Variants in BPHL observed in about 807,000 individuals in gnomAD.
BPHL encodes biphenyl hydrolase like.
A neutral mutation model predicts 31.2 loss-of-function variants in BPHL; 27 were observed. The ratio of observed to expected loss-of-function variants is 0.87; its 90% CI spans 0.64 to 1.19. The LOEUF is 1.19. Among genes scored for constraint, BPHL ranks in the 50% most tolerant of loss-of-function variants. The probability of loss-of-function intolerance (pLI) is 0.00; values close to 1 mark genes in which losing one functional copy is unlikely to be tolerated. For synonymous variants in BPHL, 150 were observed against 146.8 expected, an observed-to-expected ratio of 1.02 and a Z score of -0.16; for missense variants, 356 against 375.7, an observed-to-expected ratio of 0.95 and a Z score of 0.43.
At chr6:3,134,899 G>T (rs1055927485) in intron 4 of BPHL, among the ~76,000 whole-genome samples, 10 of 152,002 alleles carry the variant, frequency 6.6e-5, no homozygotes, top group African/African-American at 2.4e-4. Context: ...ACCGCGCCTG[G>T]CCAATTTTTG....
At chr6:3,122,285 A>C (rs1396920521) in intron 1 of BPHL, among the ~76,000 whole-genome samples, 2 of 152,198 alleles carry the variant, frequency 1.3e-5, no homozygotes, top group Non-Finnish European at 2.9e-5. Context: ...ATCTCAAAAA[A>C]TAAATAAATA....
chr6:3,146,291 C>CG (rs201985564), intron 6 of BPHL, among the ~76,000 whole-genome samples: 980 of 25,254 alleles, frequency 0.039, 119 homozygotes, highest in African/African-American at 0.071. Flanking sequence ...TGGTTCGGGT[C>CG]GAGTGCTGGT....
At chr6:3,120,827 G>A (rs1761548483) in intron 1 of BPHL, among the ~76,000 whole-genome samples, 1 of 152,222 alleles carries the variant, frequency 6.6e-6, no homozygotes, top group Non-Finnish European at 1.5e-5. Context: ...GGGATGCCCT[G>A]CCAGAGAATC....
At chr6:3,128,748 A>T (rs1358764959) in intron 3 of BPHL, among the ~76,000 whole-genome samples, 1 of 152,244 alleles carries the variant, frequency 6.6e-6, no homozygotes, top group Non-Finnish European at 1.5e-5. Flanking sequence ...TGTATTTGTC[A>T]TATTTAAGTA....
At chr6:3,152,361 C>T (rs1011830646) in intron 6 of BPHL, 127 bp from the exon 7 acceptor site, 16 of 740,258 alleles carry the variant, frequency 2.2e-5, no homozygotes, top group Admixed American at 1.6e-4. Flanking sequence ...TTTTTCTCCT[C>T]GATAGTGGTC....
rs143309822 is a variant in BPHL, at chr6:3,126,130, C to T, written c.212-1112C>T. 3.7e-4 allele frequency among the ~76,000 whole-genome samples: 57 copies of T among 152,202 alleles called. No individual in the cohort carries two copies. The East Asian group carries it at 0.01, about 28-fold the overall frequency. On this transcript the variant is annotated intron_variant, in intron 2 of 6. Coordinates refer to ENST00000380379, the MANE Select transcript of BPHL (RefSeq NM_004332.4). ...GCTGTTTCATACTGTTCTGATGAAA[C>T]TGATTTGGTTTCTTTCCTCCATACC... is the stretch of plus-strand genomic sequence containing the variant.
chr6:3,137,932 C>G, intron 5 of BPHL: 1 of 1,197,090 alleles, frequency 8.4e-7, no homozygotes, highest in Non-Finnish European at 1.1e-6. Flanking sequence ...TTAATCTCAA[C>G]GGAATTAATA....
chr6:3,124,977 C>T (rs920541147), intron 2 of BPHL, among the ~76,000 whole-genome samples: 1 of 152,124 alleles, frequency 6.6e-6, no homozygotes, highest in Non-Finnish European at 1.5e-5. Flanking sequence ...TCTGTAAAAA[C>T]ATTGCCTATC....
chr6:3,142,395 G>A (rs1226686109), intron 6 of BPHL, among the ~76,000 whole-genome samples: 1 of 152,132 alleles, frequency 6.6e-6, no homozygotes, highest in South Asian at 2.1e-4. Context: ...GGGATTACAG[G>A]CATGAACCAC....
chr6:3,120,709 C>A lies in BPHL; in HGVS notation c.107+1862C>A, dbSNP rs577564847. The stretch of plus-strand genomic sequence containing the variant: ...AAGGTGATTTATTCCTGGGTCAGGT[C>A]AAGAAAAGCCTTTTCTACCTGAAAT... On this transcript the variant is annotated intron_variant, in intron 1 of 6. Coordinates refer to ENST00000380379, the MANE Select transcript of BPHL (RefSeq NM_004332.4). Among the ~76,000 whole-genome samples the A allele has an allele frequency of 4.6e-5, 7 of 152,272 alleles. No homozygotes were observed. In the South Asian group the frequency reaches 1.4e-3, roughly 32 times the overall value.
chr6:3,119,376 T>C (rs375775857), intron 1 of BPHL: 11 of 1,588,578 alleles, frequency 6.9e-6, no homozygotes, highest in East Asian at 4.6e-5. Context: ...CGTACCTTAA[T>C]GTGCAAAAGA....
chr6:3,134,219 C>T (rs1581472477), intron 4 of BPHL, among the ~76,000 whole-genome samples: 1 of 151,606 alleles, frequency 6.6e-6, no homozygotes, highest in Non-Finnish European at 1.5e-5. Context: ...AACAACAAAA[C>T]GACCCCGCCG....
At chr6:3,142,222 G>C (rs780014297) in intron 6 of BPHL, among the ~76,000 whole-genome samples, 3 of 151,764 alleles carry the variant, frequency 2.0e-5, no homozygotes, top group Non-Finnish European at 2.9e-5. Context: ...GGGTTCAAGT[G>C]ATTCTCCTGC....
chr6:3,132,601 C>G (rs1234162495), intron 4 of BPHL, among the ~76,000 whole-genome samples: 1 of 152,022 alleles, frequency 6.6e-6, no homozygotes, highest in Non-Finnish European at 1.5e-5. Flanking sequence ...GAGGCTGAGG[C>G]AGGAGGATCA....
At chr6:3,145,982 T>G (rs1211934919) in intron 6 of BPHL, among the ~76,000 whole-genome samples, 2 of 26,396 alleles carry the variant, frequency 7.6e-5, no homozygotes, top group Non-Finnish European at 1.7e-4. Flanking sequence ...AGTGCTGGTT[T>G]GGGTCGAGTG....
intron 2 of BPHL, among the ~76,000 whole-genome samples, chr6:3,125,658 G>A (rs1233285415): frequency 6.6e-6 from 1 of 151,858 alleles, no homozygotes; most frequent in African/African-American, 2.4e-5. Flanking sequence ...GGGTACTTCC[G>A]TGGCCAGAAC....
At chr6:3,150,303 G>C (rs563330094) in intron 6 of BPHL, among the ~76,000 whole-genome samples, 18 of 152,324 alleles carry the variant, frequency 1.2e-4, no homozygotes, top group African/African-American at 4.1e-4. Flanking sequence ...TGAAAGTTCA[G>C]CTAAAGATGA....
intron 1 of BPHL, among the ~76,000 whole-genome samples, chr6:3,121,362 C>T (rs779797742): frequency 7.3e-6 from 1 of 137,766 alleles, no homozygotes; most frequent in Non-Finnish European, 1.5e-5. Context: ...TGCAGTGGCA[C>T]GATCTCGGCT....
upstream of BPHL, chr6:3,118,622 G>A (rs1386322748): frequency 1.2e-5 from 8 of 684,656 alleles, no homozygotes; most frequent in Non-Finnish European, 1.6e-5. Context: ...GCAGAGGGCG[G>A]AGCAGGATGG....
Sources: allele counts gnomAD v4.1 joint callset (sites outside exome capture counted in the v4.1 genomes callset), GRCh38; gene constraint gnomAD v4.1.1; transcripts MANE v1.5; gene names NCBI Gene and HGNC (gene_info 2026-07-23, HGNC 2026-07-21).